KIAA0513: variants seen among roughly 807,000 people sequenced by gnomAD.
KIAA0513 encodes uncharacterized protein KIAA0513.
Under a neutral mutation model 56.5 loss-of-function variants are expected in KIAA0513, and 39 were observed. The ratio of observed to expected loss-of-function variants is 0.69; its 90% CI spans 0.53 to 0.90. The LOEUF (loss-of-function observed/expected upper bound fraction) is 0.90, where lower values mean the gene tolerates loss of function less well. Ranked by LOEUF, KIAA0513 falls within the 40% of genes least tolerant of loss-of-function variation. The probability of loss-of-function intolerance (pLI) is 0.00; values close to 1 mark genes in which losing one functional copy is unlikely to be tolerated. For missense variants in KIAA0513, 591 were observed against 535.2 expected (o/e 1.10, Z -1.03); for synonymous variants, 268 against 215.6 (o/e 1.24, Z -2.13).
rs1474218385 is a variant in KIAA0513 at position 85,027,802 on chromosome 16, C to G, written c.-229C>G. The G allele has an allele frequency of 6.6e-6, 1 of 152,108 alleles. No homozygotes were observed. Among genetic ancestry groups the G allele is most frequent in the Non-Finnish European group, 1.5e-5 (1 of 68,004 alleles). 9.4% of individuals were successfully genotyped at this position (152,108 alleles called of 1,614,324 possible). A position where few individuals can be genotyped will look rare whatever the true frequency, so the allele number is the denominator to read the frequency against. On this transcript the variant is annotated 5_prime_UTR_variant, in exon 1 of 13. Transcript: ENST00000683363. The stretch of plus-strand genomic sequence containing the variant: ...CGGCTGCTCGCGGGCGGCGCAGTCG[C>G]CGCAGCAGCCGAGTCTGACGGCGCC...
intron 1 of KIAA0513, among the ~76,000 whole-genome samples, chr16:85,057,066 G>A (rs909406767): frequency 2.6e-5 from 4 of 152,168 alleles, no homozygotes; most frequent in Non-Finnish European, 4.4e-5. Flanking sequence ...TCTGTCAGTT[G>A]TTCTTGTTTG....
At chr16:85,050,587 A>G (rs1401651034) in intron 1 of KIAA0513, among the ~76,000 whole-genome samples, 1 of 152,158 alleles carries the variant, frequency 6.6e-6, no homozygotes, top group East Asian at 1.9e-4. Flanking sequence ...AAGTGCTAGG[A>G]TTACAGGCGT....
At chr16:85,069,861 C>A (rs1047658621) in intron 2 of KIAA0513, among the ~76,000 whole-genome samples, 1 of 152,110 alleles carries the variant, frequency 6.6e-6, no homozygotes, top group East Asian at 1.9e-4. Context: ...TTTCCAGTTT[C>A]ATTAACACAA....
At chr16:85,033,542 G>C (rs575715848) in intron 1 of KIAA0513, among the ~76,000 whole-genome samples, 11 of 152,116 alleles carry the variant, frequency 7.2e-5, no homozygotes, top group African/African-American at 2.7e-4. Flanking sequence ...GCCTCCTCCC[G>C]TGTGTAATTT....
intron 1 of KIAA0513, among the ~76,000 whole-genome samples, chr16:85,029,910 A>G (rs2072939431): frequency 6.6e-6 from 1 of 152,216 alleles, no homozygotes; most frequent in Admixed American, 6.5e-5. Context: ...GAGGAAACTG[A>G]GGCTGAGTGA....
At chr16:85,058,185 G>A (rs772345545) in intron 1 of KIAA0513, among the ~76,000 whole-genome samples, 22 of 152,220 alleles carry the variant, frequency 1.4e-4, no homozygotes, top group South Asian at 2.1e-4. Context: ...CTTGTCAAAA[G>A]CCCTACTGAG....
In KIAA0513 at chr16:85,076,047, G is replaced by C. The variant is rs1162941025; in HGVS notation, c.574+133G>C. 2 of 675,668 alleles carry C rather than the reference G, an allele frequency of 3.0e-6. No homozygotes were observed. The highest frequency in any genetic ancestry group is 5.3e-6 in the Non-Finnish European group (2 of 376,794). The allele number at this position is 675,668 out of a possible 1,614,324, so 41.9% of individuals were successfully genotyped here. A position where few individuals can be genotyped will look rare whatever the true frequency, so the allele number is the denominator to read the frequency against. ...CAGAGAACAGAGGAAGCTGATGTTAGGGAGGAGTGAGACTTCGGAGAAAAC... is the reference window on the plus strand; with the variant it reads ...CAGAGAACAGAGGAAGCTGATGTTACGGAGGAGTGAGACTTCGGAGAAAAC... On this transcript the variant is annotated intron_variant, in intron 5 of 12. Coordinates refer to ENST00000683363, the MANE Select transcript of KIAA0513 (RefSeq NM_001388359.1). The surrounding 1 kb of genome is among the most constrained non-coding windows in gnomAD (Gnocchi z 4.7).
intron 1 of KIAA0513, among the ~76,000 whole-genome samples, chr16:85,046,034 CT>C (rs2073166303): frequency 1.3e-5 from 2 of 152,174 alleles, no homozygotes; most frequent in African/African-American, 4.8e-5. Context: ...GCCACAGCCC[CT>C]GGAAACGAGC....
At chr16:85,033,946 C>G (rs138903082) in intron 1 of KIAA0513, among the ~76,000 whole-genome samples, 1 of 152,104 alleles carries the variant, frequency 6.6e-6, no homozygotes, top group African/African-American at 2.4e-5. Context: ...TTCCAGAGAT[C>G]CAGTGTCCTT....
intron 1 of KIAA0513, among the ~76,000 whole-genome samples, chr16:85,028,312 G>A (rs1204826576): frequency 1.3e-5 from 2 of 152,178 alleles, no homozygotes; most frequent in Non-Finnish European, 2.9e-5. Flanking sequence ...AGGACCCCGG[G>A]GGAAAGACAT....
intron 3 of KIAA0513, among the ~76,000 whole-genome samples, chr16:85,072,337 G>A (rs766636378): frequency 6.6e-5 from 10 of 152,192 alleles, no homozygotes; most frequent in Non-Finnish European, 1.2e-4. Flanking sequence ...TGTGAATTAT[G>A]TGCGTGCATA....
chr16:85,033,722 G>C (rs1280247929), intron 1 of KIAA0513, among the ~76,000 whole-genome samples: 1 of 152,180 alleles, frequency 6.6e-6, no homozygotes, highest in African/African-American at 2.4e-5. Context: ...CTTATCTGGT[G>C]ACTGGCACTG....
chr16:85,058,910 G>A (rs1038627960), intron 1 of KIAA0513, among the ~76,000 whole-genome samples: 6 of 152,106 alleles, frequency 3.9e-5, no homozygotes, highest in African/African-American at 1.4e-4. Flanking sequence ...TGCTTTGGCT[G>A]CCAAGAAACT....
chr16:85,048,510 T>G (rs1235955523), intron 1 of KIAA0513, among the ~76,000 whole-genome samples: 3 of 149,172 alleles, frequency 2.0e-5, no homozygotes, highest in Non-Finnish European at 4.4e-5. Context: ...TCTCTTTCTC[T>G]CACTCTCACC....
chr16:85,062,040 G>C (rs905905798), intron 1 of KIAA0513, among the ~76,000 whole-genome samples: 7 of 152,034 alleles, frequency 4.6e-5, no homozygotes, highest in Non-Finnish European at 8.8e-5. Flanking sequence ...TTCCATCTCA[G>C]CTCAGAGGTC....
At chr16:85,039,304 C>G (rs2073075624) in intron 1 of KIAA0513, among the ~76,000 whole-genome samples, 1 of 152,126 alleles carries the variant, frequency 6.6e-6, no homozygotes, top group Non-Finnish European at 1.5e-5. Flanking sequence ...TGTATGATTA[C>G]TCTTTTTAAT....
At position 85,082,568 on chromosome 16, in the gene KIAA0513, G is replaced by A. The variant is rs779320339; in HGVS notation, c.985G>A (p.Asp329Asn). 6.2e-7 allele frequency: 1 copy of A among 1,614,072 alleles called. No homozygotes were observed. Among genetic ancestry groups the A allele is most frequent in the East Asian group, 2.2e-5 (1 of 44,854 alleles). The change falls in exon 10 of 13, where the codon GAT (aspartate) becomes AAT (asparagine). Residue 329 changes from aspartate to asparagine, a missense_variant. Asp to Asn is a conservative substitution (Grantham distance 23). Transcript: ENST00000683363. ...RTKRSPTTRG[D>N]AGEEEEKREK... ...CTGTTTCTGCTGCCGCTCCAGAGGG[G>A]ATGCTGGAGAGGAGGAGGAGAAGAG...
intron 1 of KIAA0513, among the ~76,000 whole-genome samples, chr16:85,054,421 C>CTTTTTTTTTTTTTTTT (rs398042273): frequency 3.3e-5 from 4 of 119,546 alleles, no homozygotes; most frequent in East Asian, 4.8e-4. Context: ...TTTTTCTTTT[C>CTTTTTTTTTTTTTTTT]TTTTTTTTTT....
At chr16:85,070,947 A>G (rs2073564259) in intron 2 of KIAA0513, among the ~76,000 whole-genome samples, 1 of 152,248 alleles carries the variant, frequency 6.6e-6, no homozygotes, top group Non-Finnish European at 1.5e-5. Context: ...AATTACTGCA[A>G]AAGCCTGCAG....
Sources: allele counts gnomAD v4.1 joint callset (sites outside exome capture counted in the v4.1 genomes callset), GRCh38; gene constraint gnomAD v4.1.1; non-coding constraint Gnocchi (gnomAD v3.1); transcripts MANE v1.5; gene names NCBI Gene and HGNC (gene_info 2026-07-23, HGNC 2026-07-21).